TMEM144: variants seen among roughly 807,000 people sequenced by gnomAD.
TMEM144 encodes transmembrane protein 144.
A neutral mutation model predicts 43.6 loss-of-function variants in TMEM144; 39 were observed. The ratio of observed to expected loss-of-function variants is 0.90; its 90% CI spans 0.69 to 1.17. The LOEUF (loss-of-function observed/expected upper bound fraction) is 1.17, where lower values mean the gene tolerates loss of function less well. Ranked by LOEUF, TMEM144 falls within the 50% of genes most tolerant of loss-of-function variation. The probability of loss-of-function intolerance (pLI) is 0.00; values close to 1 mark genes in which losing one functional copy is unlikely to be tolerated. For missense variants in TMEM144, 417 were observed against 411.9 expected, an observed-to-expected ratio of 1.01 and a Z score of -0.11; for synonymous variants, 154 against 133.6, an observed-to-expected ratio of 1.15 and a Z score of -1.06.
In TMEM144 at chr4:158,237,622, T is replaced by G. The variant is rs752409650; in HGVS notation, c.661T>G (p.Tyr221Asp). The G allele has an allele frequency of 1.2e-6, 2 of 1,612,636 alleles. No homozygotes were observed. The highest frequency in any genetic ancestry group is 1.7e-6 in the Non-Finnish European group (2 of 1,179,052). The change falls in exon 9 of 13, where the codon TAT (tyrosine) becomes GAT (aspartate). Residue 221 changes from tyrosine (Y) to aspartate (D), a missense_variant. Physicochemically the swap from Tyr to Asp is radical, Grantham distance 160. Coordinates refer to ENST00000296529, the MANE Select transcript of TMEM144 (RefSeq NM_018342.5). ...KDHSKRNDSI[Y>D]AGASQYDLDY... ...CCACAGCAAAAGAAATGATAGTATA[T>G]ATGCAGGGGCAAGCCAATATGGTGA...
intron 10 of TMEM144, 122 bp from the exon 11 acceptor site, chr4:158,241,387 T>A (rs571549914): frequency 2.7e-6 from 2 of 750,522 alleles, no homozygotes; most frequent in African/African-American, 3.5e-5. Flanking sequence ...AAATTCCATG[T>A]TGGCCAACAA....
intron 6 of TMEM144, among the ~76,000 whole-genome samples, chr4:158,219,811 T>C (rs981624179): frequency 6.6e-6 from 1 of 152,210 alleles, no homozygotes; most frequent in Non-Finnish European, 1.5e-5. Flanking sequence ...CTATCTCACC[T>C]AGTTTCCACT....
chr4:158,227,986 C>T (rs1212669238), intron 6 of TMEM144, among the ~76,000 whole-genome samples: 3 of 152,170 alleles, frequency 2.0e-5, no homozygotes, highest in Non-Finnish European at 4.4e-5. Flanking sequence ...GCTCACACCA[C>T]ACACACACCA....
rs188036432 is a variant in TMEM144 at position 158,232,197 on chromosome 4, A to G, written c.414-704A>G. Among the ~76,000 whole-genome samples the G allele has an allele frequency of 2.2e-4, 33 of 152,392 alleles. No individual in the cohort carries two copies. The East Asian group carries it at 2.7e-3, about 12-fold the overall frequency. ...GGCATTTGTTGCAAAGATACAGGAC[A>G]TCAATAGTGTATTATGAGAGAGATG... is the stretch of plus-strand genomic sequence containing the variant. On this transcript the variant is annotated intron_variant, in intron 6 of 12. Coordinates refer to ENST00000296529, the MANE Select transcript of TMEM144 (RefSeq NM_018342.5).
chr4:158,229,322 G>GAGATGTT (rs1459674711), intron 6 of TMEM144, among the ~76,000 whole-genome samples: 1 of 152,186 alleles, frequency 6.6e-6, no homozygotes, highest in African/African-American at 2.4e-5. Context: ...CCCGCGCTTA[G>GAGATGTT]AGATGTTACT....
At chr4:158,230,340 A>G (rs1056134896) in intron 6 of TMEM144, among the ~76,000 whole-genome samples, 2 of 152,056 alleles carry the variant, frequency 1.3e-5, no homozygotes, top group Admixed American at 6.6e-5. Context: ...GAATCTGGAT[A>G]CCTTGGTTGC....
intron 6 of TMEM144, among the ~76,000 whole-genome samples, chr4:158,226,187 T>C (rs1028993406): frequency 3.3e-5 from 5 of 152,272 alleles, no homozygotes; most frequent in African/African-American, 1.2e-4. Flanking sequence ...GTAAAATGAA[T>C]GTATGATTTT....
At chr4:158,235,756 C>A (rs998370491) in intron 8 of TMEM144, 8 of 342,042 alleles carry the variant, frequency 2.3e-5, no homozygotes, top group African/African-American at 1.7e-4. Flanking sequence ...ATAATAAAAG[C>A]AACCTAATTT....
intron 9 of TMEM144, among the ~76,000 whole-genome samples, chr4:158,239,515 C>T (rs144388456): frequency 6.6e-6 from 1 of 152,326 alleles, no homozygotes; most frequent in Non-Finnish European, 1.5e-5. Flanking sequence ...ACTTCCTGAA[C>T]AGCCTTCTGT....
At chr4:158,219,521 A>G (rs1439389819) in intron 6 of TMEM144, 131 bp downstream of exon 6, 3 of 917,096 alleles carry the variant, frequency 3.3e-6, no homozygotes, top group Non-Finnish European at 5.0e-6. Context: ...CAGATTCTTC[A>G]TTTACAATGA....
Position 158,226,079 on chromosome 4 carries a change from A to G in TMEM144, c.413+6689A>G, listed in dbSNP as rs189719148. On this transcript the variant is annotated intron_variant, in intron 6 of 12. Coordinates refer to ENST00000296529, the MANE Select transcript of TMEM144 (RefSeq NM_018342.5). ...ACAATTGCTTTTGTTTAACGTGCAG[A>G]TGGAATATTTGATCCATTTTAACCA... 8.9e-3 allele frequency among the ~76,000 whole-genome samples: 1,356 copies of G among 152,342 alleles called. 11 individuals carry two copies. The highest frequency in any genetic ancestry group is 0.015 in the Admixed American group (230 of 15,312).
At position 158,214,939 on chromosome 4, in the gene TMEM144, T is replaced by G. The variant is rs1304876038; in HGVS notation, c.110-252T>G. Among the ~76,000 whole-genome samples the G allele has an allele frequency of 2.6e-5, 4 of 152,174 alleles. No individual in the cohort carries two copies. In the East Asian group the frequency reaches 7.7e-4, roughly 29 times the overall value. ...CCGTGTCTAAGCCTTGGAGTCAACC[T>G]GGGTTTAAATTCCAGCTCAACAAAC... On this transcript the variant is annotated intron_variant, in intron 3 of 12. Transcript: ENST00000296529.
chr4:158,241,522 A>T lies in TMEM144; in HGVS notation c.816A>T (p.Gly272=), dbSNP rs1735637588. The change falls in exon 11 of 13, where the codon GGA becomes GGT. Residue 272 remains glycine (G), a synonymous_variant. Transcript: ENST00000296529. The part of the protein sequence containing the change: ...PEAVLPGFLS[G]VLWAIATCCW... ...TTTGTATTTCAGGATTCCTGTCAGGAGTACTTTGGGCTATAGCTACCTGCT... is the reference window on the plus strand; with the variant it reads ...TTTGTATTTCAGGATTCCTGTCAGGTGTACTTTGGGCTATAGCTACCTGCT... The T allele has an allele frequency of 1.9e-6, 3 of 1,613,732 alleles. No homozygotes were observed. The highest frequency in any genetic ancestry group is 1.7e-6 in the Non-Finnish European group (2 of 1,179,710).
At chr4:158,235,609 G>A (rs1293451513) in intron 8 of TMEM144, 104 bp downstream of exon 8, 3 of 1,195,092 alleles carry the variant, frequency 2.5e-6, no homozygotes, top group Non-Finnish European at 3.4e-6. Context: ...GAAGAAAATT[G>A]TAATGCAAGC....
At chr4:158,245,266 G>A (rs1469491869) in intron 12 of TMEM144, among the ~76,000 whole-genome samples, 1 of 104,848 alleles carries the variant, frequency 9.5e-6, no homozygotes, top group Non-Finnish European at 2.1e-5. Flanking sequence ...GTGTGTGTAT[G>A]TATGTTTTCT....
At chr4:158,252,436 C>T (rs1393667013) in intron 12 of TMEM144, among the ~76,000 whole-genome samples, 1 of 152,128 alleles carries the variant, frequency 6.6e-6, no homozygotes, top group African/African-American at 2.4e-5. Flanking sequence ...CCATTCTGGC[C>T]CCTCCAATCT....
At chr4:158,241,656 C>T in intron 11 of TMEM144, 50 bp downstream of exon 11, 1 of 1,512,884 alleles carries the variant, frequency 6.6e-7, no homozygotes. Context: ...AATGTAAACC[C>T]AATTTTTCTG....
chr4:158,222,278 C>T (rs1399188176), intron 6 of TMEM144, among the ~76,000 whole-genome samples: 1 of 152,158 alleles, frequency 6.6e-6, no homozygotes, highest in Non-Finnish European at 1.5e-5. Context: ...TTTGAATGTT[C>T]CCCACTGAAT....
At chr4:158,223,236 A>G (rs1433957138) in intron 6 of TMEM144, among the ~76,000 whole-genome samples, 1 of 152,054 alleles carries the variant, frequency 6.6e-6, no homozygotes, top group Non-Finnish European at 1.5e-5. Context: ...ATGTTTTCAG[A>G]TTTTATTTTG....
Sources: gnomAD v4.1 joint callset for allele counts (sites outside exome capture counted in the v4.1 genomes callset) on GRCh38, gnomAD v4.1.1 for gene constraint, MANE v1.5 for transcripts, NCBI Gene and HGNC (gene_info 2026-07-23, HGNC 2026-07-21) for gene names.